SHISA6: variants seen among roughly 807,000 people sequenced by gnomAD.
SHISA6 encodes the protein protein shisa-6.
SHISA6 carries 22 observed loss-of-function variants against 47.9 expected under a neutral mutation model. The observed-to-expected ratio is 0.46, with a 90% CI of 0.33 to 0.66. SHISA6 has a LOEUF of 0.66. SHISA6 is among the 30% of genes least tolerant of loss of function. SHISA6 has a pLI of 0.02. For missense variants in SHISA6, 680 were observed against 764.6 expected (o/e 0.89, Z 1.30); for synonymous variants, 388 against 337.8 (o/e 1.15, Z -1.63).
intron 2 of SHISA6, among the ~76,000 whole-genome samples, chr17:11,355,273 C>T (rs8072715): frequency 0.035 from 5,342 of 152,302 alleles, 281 homozygotes; most frequent in African/African-American, 0.11. Flanking sequence ...TTCCATCAAA[C>T]TGAAGTCGTA....
intron 3 of SHISA6, among the ~76,000 whole-genome samples, chr17:11,453,203 T>C (rs1915449309): frequency 1.3e-5 from 2 of 152,244 alleles, no homozygotes; most frequent in Admixed American, 1.3e-4. Flanking sequence ...AAAGAGATTA[T>C]CATAGATGAT....
intron 3 of SHISA6, among the ~76,000 whole-genome samples, chr17:11,423,537 T>C (rs1282729435): frequency 1.3e-5 from 2 of 151,742 alleles, no homozygotes; most frequent in Non-Finnish European, 1.5e-5. Flanking sequence ...AGTGAAAATA[T>C]ATCATAAAAG....
At chr17:11,396,889 CT>C (rs1278589446) in intron 3 of SHISA6, among the ~76,000 whole-genome samples, 5 of 152,152 alleles carry the variant, frequency 3.3e-5, no homozygotes, top group African/African-American at 1.2e-4. Context: ...GCACATGTAT[CT>C]CAGAACTTAA....
chr17:11,242,169 T>C, intron 1 of SHISA6, 109 bp downstream of exon 1: 4 of 1,391,752 alleles, frequency 2.9e-6, no homozygotes, highest in South Asian at 2.6e-5. Flanking sequence ...CCAGGCCCTC[T>C]AGTCATTTCC....
chr17:11,263,408 A>G lies in SHISA6; in HGVS notation c.681A>G (p.Ile227Met), dbSNP rs1908310809. The change falls in exon 2 of 6, where the codon ATA becomes ATG. Residue 227 changes from isoleucine (I) to methionine (M), a missense_variant. Ile to Met is a conservative substitution (Grantham distance 10, BLOSUM62 1). Coordinates refer to ENST00000441885, the MANE Select transcript of SHISA6 (RefSeq NM_207386.4). ...DILRQQGPIPIAHCERETISA... is the reference protein window; with the variant it reads ...DILRQQGPIPMAHCERETISA... ...TAAGACAACAGGGACCAATCCCCAT[A>G]GCACACTGTGAAAGAGAAACTATCT... 6.4e-7 allele frequency: 1 copy of G among 1,552,030 alleles called. No individual in the cohort carries two copies.
intron 2 of SHISA6, among the ~76,000 whole-genome samples, chr17:11,266,936 G>C (rs1009014522): frequency 6.6e-6 from 1 of 152,206 alleles, no homozygotes; most frequent in Non-Finnish European, 1.5e-5. Context: ...GATGTGGGTT[G>C]AGAGTCCTGC....
chr17:11,411,177 C>A (rs570096265), intron 3 of SHISA6, among the ~76,000 whole-genome samples: 1 of 151,868 alleles, frequency 6.6e-6, no homozygotes, highest in African/African-American at 2.4e-5. Flanking sequence ...ACCCTGTTAG[C>A]CCGGTTGGTC....
intron 2 of SHISA6, among the ~76,000 whole-genome samples, chr17:11,375,662 C>G (rs925792589): frequency 1.3e-5 from 2 of 152,308 alleles, no homozygotes; most frequent in Middle Eastern, 3.4e-3. Flanking sequence ...CCATGGTCCT[C>G]TCTTTAGCTT....
rs1226241958 is a variant in SHISA6, at chr17:11,490,485, C to T, written c.896-61411C>T. On this transcript the variant is annotated intron_variant, in intron 3 of 5. Coordinates refer to ENST00000441885, the MANE Select transcript of SHISA6 (RefSeq NM_207386.4). ...ACCGAGCAGGGAGGAATGAGGCCTC[C>T]CTGATGCCTTTGCAAGCTTCAGGGA... Among the ~76,000 whole-genome samples, 3 of 152,038 alleles carry T rather than the reference C, an allele frequency of 2.0e-5. No homozygotes were observed. The East Asian group carries it at 5.8e-4, about 29-fold the overall frequency.
chr17:11,407,109 C>T lies in SHISA6; in HGVS notation c.895+27600C>T, dbSNP rs547123133. Among the ~76,000 whole-genome samples the T allele has an allele frequency of 1.1e-3, 162 of 152,116 alleles. 6 individuals carry two copies. The South Asian group carries it at 0.033, about 31-fold the overall frequency. ...ATAATAATAGCTAGCACTTATAGAG[C>T]GTTTTCTATGTGCCAGGCACTCTTC... On this transcript the variant is annotated intron_variant, in intron 3 of 5. Coordinates refer to ENST00000441885, the MANE Select transcript of SHISA6 (RefSeq NM_207386.4).
At chr17:11,518,555 C>T (rs1023671710) in intron 3 of SHISA6, among the ~76,000 whole-genome samples, 1 of 152,184 alleles carries the variant, frequency 6.6e-6, no homozygotes, top group Non-Finnish European at 1.5e-5. Context: ...TTCCAAATCT[C>T]AGATTGGGGT....
intron 3 of SHISA6, among the ~76,000 whole-genome samples, chr17:11,450,983 A>G (rs1187590727): frequency 6.8e-6 from 1 of 146,012 alleles, no homozygotes; most frequent in East Asian, 1.9e-4. Context: ...GACAGGAGGG[A>G]AAATAGAAAA....
chr17:11,287,489 C>T (rs1036984114), intron 2 of SHISA6, among the ~76,000 whole-genome samples: 2 of 150,688 alleles, frequency 1.3e-5, no homozygotes, highest in Non-Finnish European at 1.5e-5. Context: ...AGTTGGAGAC[C>T]ATCTTAGGCA....
At chr17:11,518,391 G>T (rs1357359806) in intron 3 of SHISA6, among the ~76,000 whole-genome samples, 1 of 151,936 alleles carries the variant, frequency 6.6e-6, no homozygotes, top group Non-Finnish European at 1.5e-5. Flanking sequence ...GCTTTGTTTT[G>T]TTTAAAAGGC....
intron 3 of SHISA6, among the ~76,000 whole-genome samples, chr17:11,502,914 T>G (rs1449461561): frequency 6.6e-6 from 1 of 152,230 alleles, no homozygotes; most frequent in Non-Finnish European, 1.5e-5. Context: ...GAGCTGGGTC[T>G]CAAGCTGTCT....
chr17:11,450,131 C>T (rs528099492), intron 3 of SHISA6, among the ~76,000 whole-genome samples: 35 of 152,100 alleles, frequency 2.3e-4, no homozygotes, highest in Admixed American at 1.8e-3. Context: ...GTGATCCACC[C>T]GCCTCGGCCT....
chr17:11,275,111 CTG>C, intron 2 of SHISA6, among the ~76,000 whole-genome samples: 1 of 151,368 alleles, frequency 6.6e-6, no homozygotes, highest in South Asian at 2.1e-4. Flanking sequence ...AACTGGAACT[CTG>C]TGTTCTAGTG....
At chr17:11,537,421 A>T (rs921672208) in intron 3 of SHISA6, among the ~76,000 whole-genome samples, 7 of 152,120 alleles carry the variant, frequency 4.6e-5, no homozygotes, top group African/African-American at 1.7e-4. Context: ...TGACTTTTTC[A>T]TGCCACCAAG....
chr17:11,342,668 C>T (rs924317785), intron 2 of SHISA6, among the ~76,000 whole-genome samples: 1 of 152,200 alleles, frequency 6.6e-6, no homozygotes. Context: ...ACCAACCCCT[C>T]CTTTTGCATA....
Sources: gnomAD v4.1 joint callset for allele counts (sites outside exome capture counted in the v4.1 genomes callset) on GRCh38, gnomAD v4.1.1 for gene constraint, MANE v1.5 for transcripts, NCBI Gene and HGNC (gene_info 2026-07-23, HGNC 2026-07-21) for gene names.